Variants in CUEDC1 observed in about 807,000 individuals in gnomAD.
CUEDC1 encodes the protein CUE domain-containing protein 1.
A neutral mutation model predicts 43.7 loss-of-function variants in CUEDC1; 30 were observed. The observed-to-expected ratio is 0.69, with a 90% CI of 0.51 to 0.93. CUEDC1 has a LOEUF of 0.93. Among genes scored for constraint, CUEDC1 ranks in the 40% least tolerant of loss-of-function variants. The pLI, the probability that CUEDC1 is intolerant of heterozygous loss-of-function variation, is 0.00. For missense variants in CUEDC1, 486 were observed against 549.0 expected (o/e 0.89, Z 1.15); for synonymous variants, 223 against 223.6 (o/e 1.00, Z 0.02).
chr17:57,895,342 CA>C (rs1370555609), intron 1 of CUEDC1, among the ~76,000 whole-genome samples: 2 of 152,136 alleles, frequency 1.3e-5, no homozygotes, highest in African/African-American at 4.8e-5. Context: ...GAGCTGGGCA[CA>C]CAGCAAGAAC....
intron 5 of CUEDC1, among the ~76,000 whole-genome samples, chr17:57,872,369 T>C (rs906262390): frequency 4.6e-5 from 7 of 152,242 alleles, no homozygotes; most frequent in African/African-American, 1.7e-4. Context: ...CCTGCTGCCT[T>C]GTGCCAAGGC....
rs532654325 is a variant in CUEDC1, at chr17:57,900,187, A to G, written c.-315-14308T>C. ...GGGGGCAAGAGCTTTTAGGGGTCCC[A>G]TAACCAGCTTCCTTTCGCCTCCCGA... On this transcript the variant is annotated intron_variant, in intron 1 of 10. Coordinates refer to ENST00000577830, the MANE Select transcript of CUEDC1 (RefSeq NM_001271875.2). Among the ~76,000 whole-genome samples the G allele has an allele frequency of 1.6e-4, 24 of 152,328 alleles. 1 individual carries two copies. The South Asian group carries it at 3.7e-3, about 24-fold the overall frequency.
chr17:57,924,918 T>C (rs1161928548), intron 1 of CUEDC1, among the ~76,000 whole-genome samples: 1 of 151,890 alleles, frequency 6.6e-6, no homozygotes, highest in African/African-American at 2.4e-5. Flanking sequence ...AAAATAAAGA[T>C]GAGTTTGGAG....
intron 1 of CUEDC1, among the ~76,000 whole-genome samples, chr17:57,909,638 G>A (rs2074563637): frequency 6.6e-6 from 1 of 152,238 alleles, no homozygotes; most frequent in Non-Finnish European, 1.5e-5. Flanking sequence ...CTGGGGTCCA[G>A]CTGGGAGCCT....
At chr17:57,872,940 G>T in intron 4 of CUEDC1, 85 bp from the exon 5 acceptor site, 1 of 1,275,022 alleles carries the variant, frequency 7.8e-7, no homozygotes, top group Non-Finnish European at 1.1e-6. Context: ...TTGCACACAT[G>T]CCCTGTCCAA....
chr17:57,940,243 T>C (rs1221035349), intron 1 of CUEDC1, among the ~76,000 whole-genome samples: 5 of 147,876 alleles, frequency 3.4e-5, no homozygotes, highest in Non-Finnish European at 5.9e-5. Context: ...ATTCCATTTC[T>C]GTCAGTGTTT....
chr17:57,886,009 T>G (rs2074286607), intron 1 of CUEDC1, 130 bp from the exon 2 acceptor site: 1 of 156,168 alleles, frequency 6.4e-6, no homozygotes, highest in Non-Finnish European at 1.4e-5. Flanking sequence ...GCTTGCTTCT[T>G]CCTCATGCTT....
At chr17:57,869,039 T>C in intron 7 of CUEDC1, 83 bp downstream of exon 7, 1 of 1,416,686 alleles carries the variant, frequency 7.1e-7, no homozygotes, top group Non-Finnish European at 9.9e-7. Flanking sequence ...TTACATGTGC[T>C]GAGGGGCTCC....
chr17:57,954,643 A>T lies in CUEDC1; in HGVS notation c.-316+582T>A, dbSNP rs2075038636. ...CCCTGGCCGAGCTGACGGGAGATAC[A>T]GCTCCCAGGGGACCGGGAGGGACCA... On this transcript the variant is annotated intron_variant, in intron 1 of 10. Transcript: ENST00000577830. The surrounding 1 kb of genome is among the most constrained non-coding windows in gnomAD (Gnocchi z 4.3). Among the ~76,000 whole-genome samples, 1 of 152,014 alleles carries T rather than the reference A, an allele frequency of 6.6e-6. No homozygotes were observed. Among genetic ancestry groups the T allele is most frequent in the African/African-American group, 2.4e-5 (1 of 41,374 alleles).
At chr17:57,914,593 G>A (rs1598006392) in intron 1 of CUEDC1, among the ~76,000 whole-genome samples, 1 of 152,190 alleles carries the variant, frequency 6.6e-6, no homozygotes. Context: ...AGCTCCTGGA[G>A]CTCGATTTAG....
intron 2 of CUEDC1, among the ~76,000 whole-genome samples, chr17:57,881,133 G>C (rs997562362): frequency 2.0e-5 from 3 of 152,150 alleles, no homozygotes; most frequent in Non-Finnish European, 2.9e-5. Context: ...CCTCCCAGGG[G>C]CACCTGGTGG....
At chr17:57,889,420 AG>A (rs1241387162) in intron 1 of CUEDC1, among the ~76,000 whole-genome samples, 58 of 152,300 alleles carry the variant, frequency 3.8e-4, no homozygotes, top group African/African-American at 1.3e-3. Flanking sequence ...GCCCCAGGGG[AG>A]GCTGGGCTGG....
At chr17:57,874,718 C>G (rs927796392) in intron 3 of CUEDC1, among the ~76,000 whole-genome samples, 1 of 152,188 alleles carries the variant, frequency 6.6e-6, no homozygotes, top group African/African-American at 2.4e-5. Context: ...GTGGGGGCTG[C>G]TCTAGCTCTC....
chr17:57,946,662 G>A (rs1035677964), intron 1 of CUEDC1, among the ~76,000 whole-genome samples: 3 of 152,108 alleles, frequency 2.0e-5, no homozygotes, highest in Admixed American at 1.3e-4. Context: ...GCTCACACTT[G>A]CTTTCCTTTC....
At chr17:57,948,455 T>C (rs879692325) in intron 1 of CUEDC1, among the ~76,000 whole-genome samples, 3 of 152,182 alleles carry the variant, frequency 2.0e-5, no homozygotes, top group Admixed American at 6.5e-5. Flanking sequence ...TGTTTGTGCC[T>C]TGGCTCACTC....
At chr17:57,929,649 T>C (rs985314650) in intron 1 of CUEDC1, among the ~76,000 whole-genome samples, 50 of 152,124 alleles carry the variant, frequency 3.3e-4, no homozygotes, top group Admixed American at 9.2e-4. Flanking sequence ...GAATAGAGCA[T>C]ATTGTCCTTC....
chr17:57,901,939 C>T (rs113964827), intron 1 of CUEDC1, among the ~76,000 whole-genome samples: 15 of 152,192 alleles, frequency 9.9e-5, no homozygotes, highest in African/African-American at 1.4e-4. Context: ...TTTGGGAGGC[C>T]GAGGCAGGCT....
Position 57,928,546 on chromosome 17 carries a change from C to CAAA in CUEDC1, c.-316+26676_-316+26678dup, listed in dbSNP as rs11411589. On this transcript the variant is annotated intron_variant, in intron 1 of 10. Coordinates refer to ENST00000577830, the MANE Select transcript of CUEDC1 (RefSeq NM_001271875.2). The stretch of plus-strand genomic sequence containing the variant: ...TGGGCGACAGAGTGAGACTCTGTCT[C>CAAA]AAAAAAAAAAAAAAAAAAGAACCTA... 5.4e-4 allele frequency among the ~76,000 whole-genome samples: 47 copies of CAAA among 86,824 alleles called. 2 individuals are homozygous for CAAA. The highest frequency in any genetic ancestry group is 8.1e-4 in the African/African-American group (19 of 23,368). The allele number at this position is 86,824 out of a possible 152,430, so 57.0% of individuals were successfully genotyped here. A position where few individuals can be genotyped will look rare whatever the true frequency, so the allele number is the denominator to read the frequency against.
At chr17:57,925,555 C>T (rs543306999) in intron 1 of CUEDC1, among the ~76,000 whole-genome samples, 1 of 152,256 alleles carries the variant, frequency 6.6e-6, no homozygotes, top group African/African-American at 2.4e-5. Context: ...AGGTGCTCTG[C>T]CCCAGGCAAA....
Sources: gnomAD v4.1 joint callset for allele counts (sites outside exome capture counted in the v4.1 genomes callset) on GRCh38, gnomAD v4.1.1 for gene constraint, Gnocchi (gnomAD v3.1) non-coding constraint, MANE v1.5 for transcripts, NCBI Gene and HGNC (gene_info 2026-07-23, HGNC 2026-07-21) for gene names.